ABTB2: variants seen among roughly 807,000 people sequenced by gnomAD.
ABTB2 encodes ankyrin repeat and BTB/POZ domain-containing protein 2.
ABTB2 carries 56 observed loss-of-function variants against 104.1 expected under a neutral mutation model. The observed-to-expected ratio is 0.54, with a 90% CI of 0.43 to 0.67. The LOEUF is 0.67. Among genes scored for constraint, ABTB2 ranks in the 30% least tolerant of loss-of-function variants. The probability of loss-of-function intolerance (pLI) is 0.00; values close to 1 mark genes in which losing one functional copy is unlikely to be tolerated. For synonymous variants in ABTB2, 606 were observed against 608.2 expected (o/e 1.00, Z 0.05); for missense variants, 1,279 against 1,407.7 (o/e 0.91, Z 1.46).
At chr11:34,277,758 ACT>A (rs1437051440) in intron 1 of ABTB2, among the ~76,000 whole-genome samples, 2 of 149,044 alleles carry the variant, frequency 1.3e-5, no homozygotes, top group Non-Finnish European at 1.5e-5. Context: ...ACAGAGCAAG[ACT>A]CTGTCTCAAA....
At chr11:34,155,668 T>G (rs748167494) in intron 14 of ABTB2, among the ~76,000 whole-genome samples, 18 of 152,200 alleles carry the variant, frequency 1.2e-4, no homozygotes, top group Non-Finnish European at 2.1e-4. Flanking sequence ...AAGGCCCAAC[T>G]GTGGGGAGAG....
At chr11:34,265,270 G>A (rs927261504) in intron 1 of ABTB2, among the ~76,000 whole-genome samples, 1 of 152,202 alleles carries the variant, frequency 6.6e-6, no homozygotes, top group African/African-American at 2.4e-5. Context: ...AGGCCCACCA[G>A]CATTGGTGCA....
chr11:34,329,001 G>A (rs1420416223), intron 1 of ABTB2, among the ~76,000 whole-genome samples: 1 of 152,206 alleles, frequency 6.6e-6, no homozygotes, highest in Non-Finnish European at 1.5e-5. Context: ...GACTAGAAGA[G>A]AAGTAACATT....
chr11:34,260,426 A>G (rs1317794848), intron 1 of ABTB2, among the ~76,000 whole-genome samples: 1 of 152,190 alleles, frequency 6.6e-6, no homozygotes, highest in African/African-American at 2.4e-5. Context: ...GAAGGTCCCA[A>G]CCGCTGATCA....
chr11:34,344,573 T>C (rs1855306165), intron 1 of ABTB2, among the ~76,000 whole-genome samples: 1 of 152,220 alleles, frequency 6.6e-6, no homozygotes, highest in South Asian at 2.1e-4. Context: ...ACCGGCTTAC[T>C]GCAACCTCTG....
chr11:34,355,540 G>A (rs557674607), intron 1 of ABTB2, among the ~76,000 whole-genome samples: 1 of 152,188 alleles, frequency 6.6e-6, no homozygotes, highest in Admixed American at 6.5e-5. Flanking sequence ...GAATAATGAC[G>A]ACACATTAAG....
intron 1 of ABTB2, among the ~76,000 whole-genome samples, chr11:34,281,564 A>T (rs1230200749): frequency 6.6e-6 from 1 of 151,868 alleles, no homozygotes; most frequent in Non-Finnish European, 1.5e-5. Context: ...CCCTTCGGGG[A>T]CTCCCGCTGG....
intron 1 of ABTB2, among the ~76,000 whole-genome samples, chr11:34,249,075 G>A (rs777325002): frequency 3.3e-5 from 5 of 152,260 alleles, no homozygotes; most frequent in Admixed American, 6.5e-5. Context: ...GTTGCAGTGA[G>A]CCGGGATCGT....
intron 1 of ABTB2, among the ~76,000 whole-genome samples, chr11:34,268,123 G>A (rs925588312): frequency 2.0e-5 from 3 of 152,060 alleles, no homozygotes; most frequent in Non-Finnish European, 4.4e-5. Flanking sequence ...TGGAGAAACA[G>A]GTTTTCTCCA....
chr11:34,162,295 C>T (rs938469347), intron 10 of ABTB2, among the ~76,000 whole-genome samples: 1 of 152,186 alleles, frequency 6.6e-6, no homozygotes, highest in Non-Finnish European at 1.5e-5. Flanking sequence ...GAGGGGGCAG[C>T]GAAGCTCCAG....
chr11:34,353,457 C>G (rs1590268122), intron 1 of ABTB2, among the ~76,000 whole-genome samples: 2 of 152,206 alleles, frequency 1.3e-5, no homozygotes, highest in South Asian at 4.1e-4. Context: ...TTTATAAATA[C>G]TGCTCTATTA....
chr11:34,329,795 G>A (rs1855108955), intron 1 of ABTB2, among the ~76,000 whole-genome samples: 1 of 152,226 alleles, frequency 6.6e-6, no homozygotes, highest in Non-Finnish European at 1.5e-5. Flanking sequence ...TGTACCTGAA[G>A]CCAATCCTAC....
chr11:34,305,482 C>T (rs1443654509), intron 1 of ABTB2, among the ~76,000 whole-genome samples: 1 of 152,118 alleles, frequency 6.6e-6, no homozygotes, highest in African/African-American at 2.4e-5. Context: ...GTCAACGGGG[C>T]GATTATTGAG....
At chr11:34,332,867 G>A (rs902363327) in intron 1 of ABTB2, among the ~76,000 whole-genome samples, 1 of 152,058 alleles carries the variant, frequency 6.6e-6, no homozygotes, top group Non-Finnish European at 1.5e-5. Flanking sequence ...TCTCTGAAGT[G>A]CGTTCAGGGA....
chr11:34,267,996 T>C (rs1052978658), intron 1 of ABTB2, among the ~76,000 whole-genome samples: 2 of 152,160 alleles, frequency 1.3e-5, no homozygotes, highest in Non-Finnish European at 2.9e-5. Context: ...AGTGGCTTGA[T>C]CTCGGCTCAC....
intron 1 of ABTB2, among the ~76,000 whole-genome samples, chr11:34,217,793 C>T (rs980039071): frequency 1.3e-5 from 2 of 152,178 alleles, no homozygotes; most frequent in Admixed American, 6.6e-5. Flanking sequence ...TGGGCAAATA[C>T]TAAGGAATGC....
chr11:34,251,817 G>A (rs920400459), intron 1 of ABTB2, among the ~76,000 whole-genome samples: 8 of 151,682 alleles, frequency 5.3e-5, no homozygotes, highest in Admixed American at 1.3e-4. Flanking sequence ...GCTATCTACA[G>A]AGACATGAGG....
chr11:34,268,774 C>T (rs1257350673), intron 1 of ABTB2, among the ~76,000 whole-genome samples: 3 of 150,810 alleles, frequency 2.0e-5, no homozygotes, highest in African/African-American at 4.9e-5. Context: ...TTGCCTCCTC[C>T]CAGCTTCCTC....
Position 34,290,596 on chromosome 11 carries a change from C to A in ABTB2, c.883+66105G>T, listed in dbSNP as rs570197799. On this transcript the variant is annotated intron_variant, in intron 1 of 16. Coordinates refer to ENST00000435224, the MANE Select transcript of ABTB2 (RefSeq NM_145804.3). ...TGGCTCACACCTGTAAATCCCAGCA[C>A]TTCAGGAAGCTGAGGTGGGAGGATT... 8.5e-5 allele frequency among the ~76,000 whole-genome samples: 13 copies of A among 152,280 alleles called. No individual in the cohort carries two copies. In the South Asian group the frequency reaches 2.7e-3, roughly 32 times the overall value.
Sources: allele counts gnomAD v4.1 joint callset (sites outside exome capture counted in the v4.1 genomes callset), GRCh38; gene constraint gnomAD v4.1.1; transcripts MANE v1.5; gene names NCBI Gene and HGNC (gene_info 2026-07-23, HGNC 2026-07-21).